RAB28: variants seen among roughly 807,000 people sequenced by gnomAD.
RAB28 encodes the protein RAB28, member RAS oncogene family.
RAB28 carries 24 observed loss-of-function variants against 31.7 expected under a neutral mutation model. That is an observed-to-expected ratio of 0.76 (90% CI 0.55 to 1.06). The LOEUF (loss-of-function observed/expected upper bound fraction) is 1.06, where lower values mean the gene tolerates loss of function less well. Ranked by LOEUF, RAB28 falls within the 50% of genes least tolerant of loss-of-function variation. The pLI is 0.00. For synonymous variants in RAB28, 100 were observed against 90.4 expected (o/e 1.11, Z -0.60); for missense variants, 254 against 258.5 (o/e 0.98, Z 0.12).
At chr4:13,382,695 T>A (rs1386598098) in intron 4 of RAB28, among the ~76,000 whole-genome samples, 1 of 8,658 alleles carries the variant, frequency 1.2e-4, no homozygotes, top group Non-Finnish European at 4.3e-4. Flanking sequence ...AATATGGAAT[T>A]TTTTTTTTTT....
At chr4:13,457,766 C>T (rs11939985) in intron 4 of RAB28, among the ~76,000 whole-genome samples, 2,309 of 152,246 alleles carry the variant, frequency 0.015, 64 homozygotes, top group African/African-American at 0.052. Context: ...TCTACTCTAA[C>T]AGCCTGTCTT....
chr4:13,396,881 A>C (rs1729894916), intron 4 of RAB28, among the ~76,000 whole-genome samples: 1 of 152,110 alleles, frequency 6.6e-6, no homozygotes, highest in African/African-American at 2.4e-5. Flanking sequence ...GAGGGTTTTG[A>C]GACATAGAAA....
intron 4 of RAB28, among the ~76,000 whole-genome samples, chr4:13,432,763 T>C (rs1002812215): frequency 6.6e-6 from 1 of 152,062 alleles, no homozygotes; most frequent in Non-Finnish European, 1.5e-5. Flanking sequence ...CATGAGGCTG[T>C]CCCTACAAGA....
At chr4:13,456,192 T>C (rs1416518788) in intron 4 of RAB28, among the ~76,000 whole-genome samples, 1 of 152,042 alleles carries the variant, frequency 6.6e-6, no homozygotes, top group African/African-American at 2.4e-5. Context: ...ACCCAACACA[T>C]AATATAAGAA....
intron 4 of RAB28, among the ~76,000 whole-genome samples, chr4:13,415,500 G>A (rs1712713841): frequency 6.6e-6 from 1 of 152,264 alleles, no homozygotes; most frequent in South Asian, 2.1e-4. Context: ...CGCCCGGCCA[G>A]CCCTGCCGGC....
chr4:13,386,771 A>G (rs1729386579), intron 4 of RAB28, among the ~76,000 whole-genome samples: 1 of 152,188 alleles, frequency 6.6e-6, no homozygotes, highest in African/African-American at 2.4e-5. Context: ...AATATAAATC[A>G]TTCTATCTTA....
intron 4 of RAB28, among the ~76,000 whole-genome samples, chr4:13,382,586 A>G (rs1021115362): frequency 1.3e-5 from 2 of 152,058 alleles, no homozygotes; most frequent in African/African-American, 4.8e-5. Context: ...AATTATATTG[A>G]AAGTCTTTAG....
At chr4:13,472,596 G>C (rs899143332) in intron 3 of RAB28, among the ~76,000 whole-genome samples, 1 of 151,712 alleles carries the variant, frequency 6.6e-6, no homozygotes, top group Non-Finnish European at 1.5e-5. Context: ...AATCATAAAA[G>C]ACTATTCTAT....
In RAB28 at chr4:13,448,711, C is replaced by T. The variant is rs530268411; in HGVS notation, c.391+11988G>A. Among the ~76,000 whole-genome samples, 5 of 152,070 alleles carry T rather than the reference C, an allele frequency of 3.3e-5. No homozygotes were observed. The South Asian group carries it at 1.0e-3, about 32-fold the overall frequency. ...CATTTGATTTGGAGATACTACTCAG[C>T]CAATTAAACTTGAAATGCTATCAAC... is the stretch of plus-strand genomic sequence containing the variant. On this transcript the variant is annotated intron_variant, in intron 4 of 6. Coordinates refer to ENST00000330852, the MANE Select transcript of RAB28 (RefSeq NM_001017979.3).
chr4:13,444,580 A>G (rs1348210955), intron 4 of RAB28, among the ~76,000 whole-genome samples: 1 of 152,216 alleles, frequency 6.6e-6, no homozygotes, highest in Non-Finnish European at 1.5e-5. Flanking sequence ...AGGAACCTCC[A>G]CACTATTTCC....
intron 4 of RAB28, among the ~76,000 whole-genome samples, chr4:13,408,462 C>T (rs1334481582): frequency 6.6e-6 from 1 of 152,062 alleles, no homozygotes; most frequent in South Asian, 2.1e-4. Context: ...GGGATATTGG[C>T]TTGAAATTTT....
intron 4 of RAB28, among the ~76,000 whole-genome samples, chr4:13,406,200 G>A (rs867677626): frequency 6.6e-6 from 1 of 152,038 alleles, no homozygotes; most frequent in Non-Finnish European, 1.5e-5. Context: ...CCCTCCCTGT[G>A]TCCATGTGTT....
At chr4:13,413,528 T>C (rs1183434737) in intron 4 of RAB28, among the ~76,000 whole-genome samples, 3 of 151,976 alleles carry the variant, frequency 2.0e-5, no homozygotes, top group Non-Finnish European at 2.9e-5. Context: ...CACTATTTAA[T>C]AGTACCCGCA....
At chr4:13,449,758 C>T (rs755520936) in intron 4 of RAB28, among the ~76,000 whole-genome samples, 1 of 151,888 alleles carries the variant, frequency 6.6e-6, no homozygotes, top group Non-Finnish European at 1.5e-5. Context: ...CATCCATCCA[C>T]TCTGTACTGG....
chr4:13,381,626 A>C (rs1217082531), intron 4 of RAB28, 32 bp from the exon 5 acceptor site: 3 of 1,481,486 alleles, frequency 2.0e-6, no homozygotes, highest in Admixed American at 1.9e-5. Context: ...AAAATAATTC[A>C]ATATTAGAGT....
chr4:13,405,867 T>C (rs1257195160), intron 4 of RAB28, among the ~76,000 whole-genome samples: 1 of 152,236 alleles, frequency 6.6e-6, no homozygotes, highest in East Asian at 1.9e-4. Flanking sequence ...GTTTGCCTTC[T>C]GATTCATTTT....
At chr4:13,480,795 T>C (rs1386469498) in intron 1 of RAB28, among the ~76,000 whole-genome samples, 3 of 151,964 alleles carry the variant, frequency 2.0e-5, no homozygotes, top group Admixed American at 6.5e-5. Context: ...ACATTTGTTA[T>C]ATTTTTGACA....
At chr4:13,448,276 T>C (rs1714794962) in intron 4 of RAB28, among the ~76,000 whole-genome samples, 2 of 152,112 alleles carry the variant, frequency 1.3e-5, no homozygotes, top group Admixed American at 6.5e-5. Context: ...GATACTAACA[T>C]TTAATAATTT....
At chr4:13,392,005 G>T (rs760055953) in intron 4 of RAB28, among the ~76,000 whole-genome samples, 1 of 151,948 alleles carries the variant, frequency 6.6e-6, no homozygotes, top group Non-Finnish European at 1.5e-5. Context: ...AACGTATTAG[G>T]TATACATTTA....
Sources: gnomAD v4.1 joint callset for allele counts (sites outside exome capture counted in the v4.1 genomes callset) on GRCh38, gnomAD v4.1.1 for gene constraint, MANE v1.5 for transcripts, NCBI Gene and HGNC (gene_info 2026-07-23, HGNC 2026-07-21) for gene names.